TTC6: variants seen among roughly 807,000 people sequenced by gnomAD.
The protein encoded by TTC6 is tetratricopeptide repeat protein 6.
A neutral mutation model predicts 210.4 loss-of-function variants in TTC6; 172 were observed. The observed-to-expected ratio is 0.82, with a 90% confidence interval of 0.72 to 0.93. The LOEUF (loss-of-function observed/expected upper bound fraction) is 0.93, where lower values mean the gene tolerates loss of function less well. Among genes scored for constraint, TTC6 ranks in the 40% least tolerant of loss-of-function variants. The probability of loss-of-function intolerance (pLI) is 0.00; values close to 1 mark genes in which losing one functional copy is unlikely to be tolerated. For missense variants in TTC6, 2,414 were observed against 2,318.1 expected (o/e 1.04, Z -0.85); for synonymous variants, 804 against 819.6 (o/e 0.98, Z 0.32).
At chr14:37,644,500 CATG>C (rs1274063822) in intron 1 of TTC6, among the ~76,000 whole-genome samples, 1 of 152,170 alleles carries the variant, frequency 6.6e-6, no homozygotes, top group Non-Finnish European at 1.5e-5. Flanking sequence ...AATTTAGCTG[CATG>C]ATAACATCCA....
At chr14:37,815,170 T>C (rs2096138484) in intron 25 of TTC6, among the ~76,000 whole-genome samples, 1 of 152,176 alleles carries the variant, frequency 6.6e-6, no homozygotes. Context: ...CCATTCTCGA[T>C]CTAAATGCCT....
chr14:37,823,562 A>G (rs900261383), intron 26 of TTC6, among the ~76,000 whole-genome samples, 185 bp from the exon 29 acceptor site: 2 of 152,122 alleles, frequency 1.3e-5, no homozygotes, highest in African/African-American at 4.8e-5. Context: ...TCTTCGAAGG[A>G]CCTGTCACAC....
intron 3 of TTC6, among the ~76,000 whole-genome samples, chr14:37,685,392 T>TG (rs1345444397): frequency 6.6e-6 from 1 of 152,172 alleles, no homozygotes; most frequent in Admixed American, 6.6e-5. Context: ...AGATCCAGAA[T>TG]GGGTTTAGTC....
In TTC6 at chr14:37,667,991, C is replaced by T. The variant is rs537926548; in HGVS notation, c.940-12160C>T. 6.0e-5 allele frequency among the ~76,000 whole-genome samples: 9 copies of T among 150,116 alleles called. 1 individual carries two copies. Among genetic ancestry groups the T allele is most frequent in the Non-Finnish European group, 1.0e-4 (7 of 66,906 alleles). Reference sequence around the variant, plus strand: ...CTCTACTAAAAATACAAAAATTAGCCGGGCATGATGGTACACACCTGTAGT... The same window carrying T: ...CTCTACTAAAAATACAAAAATTAGCTGGGCATGATGGTACACACCTGTAGT... On this transcript the variant is annotated intron_variant, in intron 1 of 30. Coordinates refer to ENST00000553443, the Ensembl canonical transcript of TTC6.
At position 37,802,664 on chromosome 14, in the gene TTC6, G is replaced by A. The variant is rs558008984; in HGVS notation, c.4030-2016G>A. Among the ~76,000 whole-genome samples, 3 of 152,144 alleles carry A rather than the reference G, an allele frequency of 2.0e-5. No homozygotes were observed. In the South Asian group the frequency reaches 6.2e-4, roughly 32 times the overall value. ...TAAATGTGTGGTAATTTGACCTGTA[G>A]CGATAGAAAAACGAATGCACCTCTG... On this transcript the variant is annotated intron_variant, in intron 20 of 30. Coordinates refer to ENST00000553443, the Ensembl canonical transcript of TTC6.
chr14:37,660,162 A>G (rs968857627), intron 1 of TTC6, among the ~76,000 whole-genome samples: 11 of 150,174 alleles, frequency 7.3e-5, no homozygotes, highest in East Asian at 2.0e-4. Context: ...CATTGTCATC[A>G]TGAAATCTTT....
chr14:37,656,854 G>A (rs1340958297), intron 1 of TTC6, among the ~76,000 whole-genome samples: 1 of 152,100 alleles, frequency 6.6e-6, no homozygotes, highest in Non-Finnish European at 1.5e-5. Flanking sequence ...ACTAGGGGTG[G>A]TTGATCCTAA....
chr14:37,733,588 T>C (rs182011198), intron 7 of TTC6, among the ~76,000 whole-genome samples: 22 of 152,350 alleles, frequency 1.4e-4, no homozygotes, highest in Admixed American at 1.3e-3. Flanking sequence ...GTCTTAAATG[T>C]AAAGACTTTG....
chr14:37,689,466 A>G (rs2095799730), intron 3 of TTC6, among the ~76,000 whole-genome samples: 1 of 152,174 alleles, frequency 6.6e-6, no homozygotes, highest in Admixed American at 6.5e-5. Flanking sequence ...CAAGTACAAG[A>G]AGGCTATAGA....
intron 5 of TTC6, among the ~76,000 whole-genome samples, chr14:37,712,661 T>G (rs575436094): frequency 7.2e-5 from 11 of 152,198 alleles, no homozygotes; most frequent in African/African-American, 2.6e-4. Flanking sequence ...GGAGAAATGA[T>G]GGACAAAAGG....
chr14:37,653,500 A>G (rs1478479616), intron 1 of TTC6, among the ~76,000 whole-genome samples: 1 of 151,706 alleles, frequency 6.6e-6, no homozygotes, highest in Non-Finnish European at 1.5e-5. Context: ...GATGTTTTCA[A>G]TTTTAGCTTC....
At chr14:37,694,524 C>CA (rs2095810725) in intron 3 of TTC6, among the ~76,000 whole-genome samples, 1 of 152,012 alleles carries the variant, frequency 6.6e-6, no homozygotes, top group African/African-American at 2.4e-5. Flanking sequence ...GGAGGTTCCT[C>CA]AAAAAACTAA....
chr14:37,760,858 C>T (rs1458145557), intron 14 of TTC6, among the ~76,000 whole-genome samples: 1 of 152,136 alleles, frequency 6.6e-6, no homozygotes, highest in Non-Finnish European at 1.5e-5. Flanking sequence ...GATGGATGCC[C>T]CTCCCTGCAC....
At chr14:37,696,501 A>G (rs533220093) in intron 3 of TTC6, among the ~76,000 whole-genome samples, 1 of 152,248 alleles carries the variant, frequency 6.6e-6, no homozygotes, top group Non-Finnish European at 1.5e-5. Context: ...AATGTTGTAA[A>G]TAAACATGAT....
chr14:37,760,463 A>G (rs1330629753), intron 14 of TTC6, among the ~76,000 whole-genome samples: 2 of 152,172 alleles, frequency 1.3e-5, no homozygotes, highest in African/African-American at 4.8e-5. Context: ...TCTCCCAGAA[A>G]GGAGGCACAG....
chr14:37,697,733 C>T (rs1239111402), intron 4 of TTC6, among the ~76,000 whole-genome samples: 1 of 152,124 alleles, frequency 6.6e-6, no homozygotes, highest in African/African-American at 2.4e-5. Context: ...TTGCTTTAAG[C>T]TCATTTAGTT....
At chr14:37,711,200 TTACTCAG>T (rs1229168910) in intron 5 of TTC6, among the ~76,000 whole-genome samples, 1 of 152,190 alleles carries the variant, frequency 6.6e-6, no homozygotes. Context: ...GAGACTTTTC[TTACTCAG>T]CCAAAATTCA....
At position 37,603,174 on chromosome 14, in the gene TTC6, G is replaced by A. The variant is rs540636219; in HGVS notation, c.-234-3489G>A. On this transcript the variant is annotated intron_variant, in intron 1 of 2. Coordinates refer to the TTC6 transcript ENST00000556845. ...GACCTGGCGTTAGGATTGGGGTGGG[G>A]CAGCATGGTTCTGACGCTGACCGCA... Among the ~76,000 whole-genome samples, 36 of 152,298 alleles carry A rather than the reference G, an allele frequency of 2.4e-4. No individual in the cohort carries two copies. The South Asian group carries it at 7.0e-3, about 30-fold the overall frequency.
chr14:37,842,156 C>A, exon 31 of TTC6: 2 of 1,537,014 alleles, frequency 1.3e-6, no homozygotes, highest in South Asian at 1.3e-5. Context: ...CTTTTGCAGC[C>A]CTGTCTTTGA....
Sources: gnomAD v4.1 joint callset for allele counts (sites outside exome capture counted in the v4.1 genomes callset) on GRCh38, gnomAD v4.1.1 for gene constraint, MANE v1.5 for transcripts, NCBI Gene and HGNC (gene_info 2026-07-23, HGNC 2026-07-21) for gene names.